The following THOC2 variants were observed in gnomAD, a reference collection of about 807,000 sequenced individuals.
THOC2 encodes the protein THO complex 2.
THOC2 carries 10 observed loss-of-function variants against 128.4 expected under a neutral mutation model. That is an observed-to-expected ratio of 0.08 (90% CI 0.05 to 0.13). THOC2 has a LOEUF of 0.13. Ranked by LOEUF, THOC2 falls within the 10% of genes least tolerant of loss-of-function variation. The probability of loss-of-function intolerance (pLI) is 1.00; values close to 1 mark genes in which losing one functional copy is unlikely to be tolerated. For missense variants in THOC2, 535 were observed against 1,155.7 expected, an observed-to-expected ratio of 0.46 and a Z score of 7.79; for synonymous variants, 393 against 396.9, an observed-to-expected ratio of 0.99 and a Z score of 0.12.
chrX:123,678,976 C>A (rs750187786), intron 8 of THOC2, among the ~76,000 whole-genome samples: 54 of 111,109 alleles, frequency 4.9e-4, no homozygotes, highest in Non-Finnish European at 8.5e-4. Context: ...GTTAATCCAC[C>A]CATTTAAGCA....
intron 19 of THOC2, among the ~76,000 whole-genome samples, chrX:123,635,496 T>C (rs2047639387): frequency 8.9e-6 from 1 of 111,893 alleles, no homozygotes; most frequent in African/African-American, 3.2e-5. Flanking sequence ...TTGATTCTAG[T>C]CAGTTTACTT....
At position 123,639,042 on chromosome X, in the gene THOC2, C is replaced by A; in HGVS notation, c.1747-15G>T. ...TGTGACAAGATCTGGAAAACAGCAA[C>A]AAACAATAGAAGGCATTAACTGATC... On this transcript the variant is annotated splice_polypyrimidine_tract_variant and intron_variant, in intron 16 of 38. Transcript: ENST00000245838. The A allele has an allele frequency of 1.0e-6, 1 of 997,334 alleles. No individual in the cohort carries two copies. 82.2% of individuals were successfully genotyped at this position (997,334 alleles called of 1,213,427 possible).
At chrX:123,626,432 A>C (rs2047272869) in intron 24 of THOC2, 89 bp downstream of exon 24, 1 of 953,007 alleles carries the variant, frequency 1.0e-6, no homozygotes, top group Admixed American at 3.6e-5. Flanking sequence ...TGAAATACAA[A>C]CATAATACAC....
At chrX:123,713,811 C>T (rs1217000023) in intron 1 of THOC2, among the ~76,000 whole-genome samples, 1 of 106,786 alleles carries the variant, frequency 9.4e-6, no homozygotes, top group Non-Finnish European at 1.9e-5. Context: ...CATGACTGCT[C>T]GCTCCACTGT....
intron 1 of THOC2, among the ~76,000 whole-genome samples, chrX:123,724,728 C>A (rs1009846585): frequency 9.0e-6 from 1 of 111,117 alleles, no homozygotes; most frequent in Non-Finnish European, 1.9e-5. Flanking sequence ...AGAGCATCTA[C>A]TAAATTAAAT....
At chrX:123,639,191 T>G (rs934765304) in intron 16 of THOC2, among the ~76,000 whole-genome samples, 164 bp from the exon 17 acceptor site, 4 of 111,981 alleles carry the variant, frequency 3.6e-5, no homozygotes, top group Non-Finnish European at 5.6e-5. Context: ...TATAAATATT[T>G]CATATTTATA....
At chrX:123,671,786 C>CCAAA (rs766209052) in intron 8 of THOC2, 25 bp from the exon 9 acceptor site, 21 of 985,580 alleles carry the variant, frequency 2.1e-5, no homozygotes, top group Non-Finnish European at 2.9e-5. Flanking sequence ...AAAAAAGTTT[C>CCAAA]CATTTAGTGC....
In THOC2 at chrX:123,706,968, A is replaced by C; in HGVS notation, c.131-19T>G. ...TGGAAATCTGTTGAACATAAGAGAAATAATGTAAGGATACAGTCTCTTGAA... is the reference window on the plus strand; with the variant it reads ...TGGAAATCTGTTGAACATAAGAGAACTAATGTAAGGATACAGTCTCTTGAA... On this transcript the variant is annotated intron_variant, in intron 2 of 38. Transcript: ENST00000245838. The C allele has an allele frequency of 1.1e-6, 1 of 899,739 alleles. No homozygotes were observed. Among genetic ancestry groups the C allele is most frequent in the Non-Finnish European group, 1.5e-6 (1 of 648,692 alleles). The allele number at this position is 899,739 out of a possible 1,213,427, so 74.1% of individuals were successfully genotyped here.
chrX:123,697,536 C>T, intron 5 of THOC2, 145 bp downstream of exon 5: 1 of 415,160 alleles, frequency 2.4e-6, no homozygotes, highest in Admixed American at 4.8e-5. Flanking sequence ...TCTTATTTCA[C>T]AAAACATTCC....
In THOC2 at chrX:123,657,029, A is replaced by G. The variant is rs145222982; in HGVS notation, c.1386+8613T>C. 7.0e-3 allele frequency among the ~76,000 whole-genome samples: 786 copies of G among 111,574 alleles called. 6 individuals are homozygous for G. The highest frequency in any genetic ancestry group is 0.024 in the African/African-American group (730 of 30,709). On this transcript the variant is annotated intron_variant, in intron 12 of 38. Transcript: ENST00000245838. ...CCACCTCAAAAAAAAGGGCAGGGGC[A>G]ATATAAGCAGAGATATGGAAATTTT...
At chrX:123,691,844 G>A (rs1429914827) in intron 7 of THOC2, among the ~76,000 whole-genome samples, 3 of 112,607 alleles carry the variant, frequency 2.7e-5, no homozygotes, top group Admixed American at 9.4e-5. Flanking sequence ...GCAAGAATCA[G>A]CAAACTATGG....
intron 8 of THOC2, among the ~76,000 whole-genome samples, chrX:123,677,443 C>T (rs757576975): frequency 4.4e-4 from 49 of 111,839 alleles, no homozygotes; most frequent in African/African-American, 1.6e-3. Context: ...AACTTTCTTA[C>T]CTTATAAGTT....
intron 3 of THOC2, among the ~76,000 whole-genome samples, chrX:123,704,597 C>T (rs1219976892): frequency 3.6e-5 from 4 of 111,715 alleles, no homozygotes; most frequent in Middle Eastern, 4.6e-3. Flanking sequence ...CAGTGGCTCA[C>T]GCCTGTAATC....
At position 123,664,437 on chromosome X, in the gene THOC2, A is replaced by T. The variant is rs1487125215; in HGVS notation, c.1386+1205T>A. On this transcript the variant is annotated intron_variant, in intron 12 of 38. Transcript: ENST00000245838. ...ACTGGCAACCTACAGAATGGTAGAA[A>T]ATTTTTGCAATCTACTCATCTGACA... Among the ~76,000 whole-genome samples, 3 of 112,330 alleles carry T rather than the reference A, an allele frequency of 2.7e-5. No individual in the cohort carries two copies. The Admixed American group carries it at 2.8e-4, about 11-fold the overall frequency.
chrX:123,603,582 C>T (rs1350119480), intron 38 of THOC2: 6 of 828,216 alleles, frequency 7.2e-6, no homozygotes, highest in East Asian at 6.4e-5. Flanking sequence ...TGGAATGTCT[C>T]GTCAAGAGGA....
At chrX:123,677,513 T>C (rs1443890083) in intron 8 of THOC2, among the ~76,000 whole-genome samples, 1 of 112,024 alleles carries the variant, frequency 8.9e-6, no homozygotes, top group Non-Finnish European at 1.9e-5. Flanking sequence ...AAAACACACA[T>C]TGTACAGCTG....
chrX:123,620,706 A>G, intron 32 of THOC2: 1 of 355,422 alleles, frequency 2.8e-6, no homozygotes, highest in Non-Finnish European at 4.8e-6. Context: ...AAGTCCTTGA[A>G]GTTTTAACAT....
chrX:123,678,684 C>T (rs140562085), intron 8 of THOC2, among the ~76,000 whole-genome samples: 41 of 110,716 alleles, frequency 3.7e-4, no homozygotes, highest in Middle Eastern at 4.6e-3. Context: ...TCTTCAGCTA[C>T]GTGTTCCTGT....
At position 123,665,741 on chromosome X, in the gene THOC2, T is replaced by C. The variant is rs781780712; in HGVS notation, c.1287A>G (p.Arg429=). Residue 429 remains arginine, a synonymous_variant, in exon 12 of 39, where the codon AGA becomes AGG. Coordinates refer to ENST00000245838, the MANE Select transcript of THOC2 (RefSeq NM_001081550.2). ...KQAESFEDLR[R]DVFNMFCYLG... ...GGTAACAGAACATATTGAACACGTC[T>C]CTCCTCAAATCTTCAAAGCTCTCAG... 8.3e-7 allele frequency: 1 copy of C among 1,203,580 alleles called. No individual in the cohort carries two copies. The highest frequency in any genetic ancestry group is 1.7e-5 in the African/African-American group (1 of 57,682).
Sources: allele counts gnomAD v4.1 joint callset (sites outside exome capture counted in the v4.1 genomes callset), GRCh38; gene constraint gnomAD v4.1.1; transcripts MANE v1.5; gene names NCBI Gene and HGNC (gene_info 2026-07-23, HGNC 2026-07-21).